Variants in RPTOR observed in about 807,000 individuals in gnomAD.
The protein encoded by RPTOR is regulatory associated protein of MTOR complex 1.
In RPTOR, 21 loss-of-function variants were observed where a neutral mutation model predicts 169.9. The observed-to-expected ratio is 0.12, with a 90% CI of 0.09 to 0.18. RPTOR has a LOEUF of 0.18. RPTOR is among the 10% of genes least tolerant of loss of function. RPTOR has a pLI of 1.00. For synonymous variants in RPTOR, 732 were observed against 753.2 expected (o/e 0.97, Z 0.46); for missense variants, 1,133 against 1,855.9 (o/e 0.61, Z 7.16).
rs912705998 is a variant in RPTOR, at chr17:80,659,830, T to A, written c.348+16020T>A. 1.3e-5 allele frequency among the ~76,000 whole-genome samples: 2 copies of A among 152,176 alleles called. No homozygotes were observed. The highest frequency in any genetic ancestry group is 2.9e-5 in the Non-Finnish European group (2 of 68,042). ...CTGGCTAATTTAAAAAATTTTTTTGTAGAGATAAGGTCTTGCTCTGTTGCT... is the reference window on the plus strand; with the variant it reads ...CTGGCTAATTTAAAAAATTTTTTTGAAGAGATAAGGTCTTGCTCTGTTGCT... On this transcript the variant is annotated intron_variant, in intron 3 of 33. Transcript: ENST00000306801. The surrounding 1 kb of genome is among the most constrained non-coding windows in gnomAD (Gnocchi z 4.3).
chr17:80,735,682 G>T (rs1486530005), intron 5 of RPTOR, among the ~76,000 whole-genome samples: 2 of 152,118 alleles, frequency 1.3e-5, no homozygotes, highest in Non-Finnish European at 1.5e-5. Context: ...AGTTGGGCAG[G>T]CGGTAAAGAT....
intron 1 of RPTOR, among the ~76,000 whole-genome samples, chr17:80,592,705 T>C (rs2065116026): frequency 2.0e-5 from 3 of 152,208 alleles, no homozygotes; most frequent in Admixed American, 2.0e-4. Context: ...ATTCCCGTGA[T>C]GCTGGCCATA....
At chr17:80,901,504 G>A (rs2068476101) in intron 20 of RPTOR, among the ~76,000 whole-genome samples, 1 of 151,994 alleles carries the variant, frequency 6.6e-6, no homozygotes, top group Non-Finnish European at 1.5e-5. Context: ...AGTCGCCCCT[G>A]CAAAGCCAGC....
chr17:80,583,795 G>A (rs2065037452), intron 1 of RPTOR, among the ~76,000 whole-genome samples: 1 of 152,250 alleles, frequency 6.6e-6, no homozygotes, highest in South Asian at 2.1e-4. Flanking sequence ...ATATGCAGGT[G>A]CAGCTGCCTC....
chr17:80,612,229 G>A (rs2065276678), intron 1 of RPTOR, among the ~76,000 whole-genome samples: 1 of 152,068 alleles, frequency 6.6e-6, no homozygotes, highest in Non-Finnish European at 1.5e-5. Flanking sequence ...TCTTGGGCTC[G>A]AGTGATCTTC....
At chr17:80,932,036 G>A (rs566866718) in intron 24 of RPTOR, among the ~76,000 whole-genome samples, 5 of 152,080 alleles carry the variant, frequency 3.3e-5, no homozygotes, top group South Asian at 2.1e-4. Context: ...CTGGCCACAT[G>A]CTGAGTGTCA....
intron 6 of RPTOR, among the ~76,000 whole-genome samples, chr17:80,772,406 G>A (rs2066852814): frequency 6.6e-6 from 1 of 151,614 alleles, no homozygotes; most frequent in South Asian, 2.1e-4. Context: ...CACCAGTGCT[G>A]TCCCCAACAT....
At chr17:80,744,907 C>CTACTAGCACAGCCCTGGT (rs1451662656) in intron 5 of RPTOR, among the ~76,000 whole-genome samples, 1 of 66,916 alleles carries the variant, frequency 1.5e-5, no homozygotes, top group Non-Finnish European at 3.8e-5. Flanking sequence ...ACTGTCCTGG[C>CTACTAGCACAGCCCTGGT]TACTAGCACA....
Position 80,694,267 on chromosome 17 carries a change from C to G in RPTOR, c.349-13574C>G, listed in dbSNP as rs140905224. Among the ~76,000 whole-genome samples, 332 of 152,364 alleles carry G rather than the reference C, an allele frequency of 2.2e-3. 1 individual carries two copies. Among genetic ancestry groups the G allele is most frequent in the Middle Eastern group, 0.014 (4 of 294 alleles). ...ACAGCTGGTGACCTCTCCAGGTGAC[C>G]TCTTCAAGCCTGGTCCCAGGGGCAG... On this transcript the variant is annotated intron_variant, in intron 3 of 33. Coordinates refer to ENST00000306801, the MANE Select transcript of RPTOR (RefSeq NM_020761.3).
intron 13 of RPTOR, among the ~76,000 whole-genome samples, chr17:80,866,496 G>A (rs973919619): frequency 1.3e-5 from 2 of 152,214 alleles, no homozygotes; most frequent in Admixed American, 1.3e-4. Flanking sequence ...AAAATCTGTT[G>A]AACAAAACAT....
chr17:80,617,366 C>T (rs1333521743), intron 1 of RPTOR, among the ~76,000 whole-genome samples: 2 of 152,144 alleles, frequency 1.3e-5, no homozygotes, highest in African/African-American at 4.8e-5. Context: ...ATTCACATAC[C>T]CCAGAGTTCA....
chr17:80,758,866 G>T (rs1044526733), intron 6 of RPTOR, among the ~76,000 whole-genome samples: 2 of 151,888 alleles, frequency 1.3e-5, no homozygotes, highest in African/African-American at 4.8e-5. Flanking sequence ...GTGAAGGAAG[G>T]AGGAAAAAAG....
At chr17:80,822,430 G>A in intron 8 of RPTOR, 129 bp downstream of exon 8, 1 of 924,724 alleles carries the variant, frequency 1.1e-6, no homozygotes, top group East Asian at 2.5e-5. Context: ...AGTGGGAGGG[G>A]CTGAAAAGTA....
intron 1 of RPTOR, 105 bp from the exon 2 acceptor site, chr17:80,625,586 T>C: frequency 1.2e-6 from 1 of 826,426 alleles, no homozygotes; most frequent in Non-Finnish European, 2.0e-6. Context: ...GGCAGGTGGG[T>C]AGGGAAGGGG....
At chr17:80,552,336 T>C (rs960161455) in intron 1 of RPTOR, among the ~76,000 whole-genome samples, 2 of 152,188 alleles carry the variant, frequency 1.3e-5, no homozygotes, top group East Asian at 1.9e-4. Flanking sequence ...CCTGGAATGC[T>C]TTTCTCTCTG....
chr17:80,918,036 G>A lies in RPTOR; in HGVS notation c.2521-4688G>A, dbSNP rs183244472. On this transcript the variant is annotated intron_variant, in intron 21 of 33. Transcript: ENST00000306801. The stretch of plus-strand genomic sequence containing the variant: ...GATGCTCAGAACAGTGGGATGAGCC[G>A]CCCCAGGAATGTGGCATGCCAGCAG... Among the ~76,000 whole-genome samples the A allele has an allele frequency of 1.3e-3, 201 of 152,332 alleles. 1 individual carries two copies. Among genetic ancestry groups the A allele is most frequent in the Non-Finnish European group, 2.4e-3 (166 of 68,022 alleles).
At chr17:80,666,552 A>G (rs1486562174) in intron 3 of RPTOR, among the ~76,000 whole-genome samples, 1 of 152,262 alleles carries the variant, frequency 6.6e-6, no homozygotes, top group East Asian at 1.9e-4. Context: ...ATTATTGGCC[A>G]TATATGCGTC....
intron 21 of RPTOR, among the ~76,000 whole-genome samples, chr17:80,918,189 A>G (rs558034592): frequency 6.6e-6 from 1 of 152,336 alleles, no homozygotes; most frequent in East Asian, 1.9e-4. Flanking sequence ...TAGCATAGCT[A>G]CAGAATCAGA....
At chr17:80,687,231 T>C (rs2065955370) in intron 3 of RPTOR, among the ~76,000 whole-genome samples, 2 of 152,218 alleles carry the variant, frequency 1.3e-5, no homozygotes, top group Admixed American at 6.5e-5. Context: ...CCTCCCAGCC[T>C]GGTTCACGTT....
Sources: allele counts gnomAD v4.1 joint callset (sites outside exome capture counted in the v4.1 genomes callset), GRCh38; gene constraint gnomAD v4.1.1; non-coding constraint Gnocchi (gnomAD v3.1); transcripts MANE v1.5; gene names NCBI Gene and HGNC (gene_info 2026-07-23, HGNC 2026-07-21).